TUSC3: variants seen among roughly 807,000 people sequenced by gnomAD.
TUSC3 encodes the protein tumor suppressor candidate 3, also known as dolichyl-diphosphooligosaccharide--protein glycosyltransferase subunit TUSC3.
A neutral mutation model predicts 44.8 loss-of-function variants in TUSC3; 45 were observed. The observed-to-expected ratio is 1.00, with a 90% confidence interval of 0.79 to 1.29. TUSC3 has a LOEUF of 1.29. TUSC3 is among the 50% of genes most tolerant of loss of function. TUSC3 has a pLI of 0.00. For missense variants in TUSC3, 519 were observed against 437.9 expected (o/e 1.19, Z -1.65); for synonymous variants, 212 against 152.9 (o/e 1.39, Z -2.85).
upstream of TUSC3, among the ~76,000 whole-genome samples, chr8:15,536,860 C>G (rs1458697661): frequency 6.6e-6 from 1 of 151,918 alleles, no homozygotes; most frequent in Non-Finnish European, 1.5e-5. Flanking sequence ...TCATGCCCTA[C>G]AAACCATAAA....
chr8:15,819,960 A>G, the TUSC3 span, among the ~76,000 whole-genome samples: 2 of 152,188 alleles, frequency 1.3e-5, no homozygotes, highest in African/African-American at 4.8e-5. Flanking sequence ...TCCCCAGATT[A>G]AAGGCAGTTA....
At chr8:15,484,564 C>T (rs1399857307) in intron 2 of TUSC3, among the ~76,000 whole-genome samples, 3 of 152,242 alleles carry the variant, frequency 2.0e-5, no homozygotes, top group Admixed American at 2.0e-4. Flanking sequence ...ATCTCTTTCT[C>T]ATTCCGGTGT....
chr8:15,530,566 A>G lies in TUSC3; in HGVS notation n.189+47083A>G, dbSNP rs75961494. 1.3e-3 allele frequency among the ~76,000 whole-genome samples: 199 copies of G among 152,340 alleles called. 3 individuals carry two copies. The East Asian group carries it at 0.037, about 28-fold the overall frequency. ...TCACACAGCTAGTAAGAGACAGAGC[A>G]AGGAATGCAGCTCCAGGGCTCATGC... On this transcript the variant is annotated intron_variant and non_coding_transcript_variant, in intron 2 of 5. Coordinates refer to the TUSC3 transcript ENST00000503191.
At chr8:15,478,341 G>A (rs1041462176) in intron 1 of TUSC3, among the ~76,000 whole-genome samples, 1 of 152,046 alleles carries the variant, frequency 6.6e-6, no homozygotes, top group African/African-American at 2.4e-5. Flanking sequence ...AAGTATACGT[G>A]TGCCATGGTA....
At chr8:15,755,157 G>A (rs1310470079) in intron 9 of TUSC3, among the ~76,000 whole-genome samples, 1 of 152,026 alleles carries the variant, frequency 6.6e-6, no homozygotes, top group Non-Finnish European at 1.5e-5. Flanking sequence ...TTCCCTGATT[G>A]GAATACCCAG....
the TUSC3 span, among the ~76,000 whole-genome samples, chr8:15,829,216 G>T: frequency 2.6e-4 from 39 of 152,010 alleles, no homozygotes; most frequent in African/African-American, 9.4e-4. Flanking sequence ...CTAATCATTT[G>T]CTATTAGAAA....
chr8:15,568,254 T>C (rs2129142356), intron 1 of TUSC3, among the ~76,000 whole-genome samples: 1 of 152,278 alleles, frequency 6.6e-6, no homozygotes, highest in African/African-American at 2.4e-5. Context: ...AGAAGAGGCA[T>C]TCATTTATTC....
At chr8:15,670,035 C>G (rs1244399917) in intron 5 of TUSC3, among the ~76,000 whole-genome samples, 6 of 151,772 alleles carry the variant, frequency 4.0e-5, no homozygotes, top group Non-Finnish European at 2.9e-5. Context: ...GTCATAGCAT[C>G]ACAAAAAGTT....
At chr8:15,832,790 T>C in the TUSC3 span, among the ~76,000 whole-genome samples, 1 of 152,120 alleles carries the variant, frequency 6.6e-6, no homozygotes, top group Non-Finnish European at 1.5e-5. Flanking sequence ...AAGCAAGTTC[T>C]TAGAGACCTT....
At chr8:15,664,485 C>G (rs1422494816) in intron 5 of TUSC3, among the ~76,000 whole-genome samples, 2 of 136,408 alleles carry the variant, frequency 1.5e-5, no homozygotes, top group African/African-American at 5.1e-5. Flanking sequence ...TATTATTTTG[C>G]TCTTTTACTG....
chr8:15,786,571 G>A, the TUSC3 span, among the ~76,000 whole-genome samples: 1 of 152,086 alleles, frequency 6.6e-6, no homozygotes, highest in Non-Finnish European at 1.5e-5. Flanking sequence ...ATTGCCTGGT[G>A]CATTTCTAGT....
the TUSC3 span, among the ~76,000 whole-genome samples, chr8:15,786,238 T>C: frequency 9.8e-5 from 15 of 152,296 alleles, no homozygotes; most frequent in Non-Finnish European, 2.1e-4. Flanking sequence ...CTGATAAAAG[T>C]TGAAAACAAA....
chr8:15,455,446 C>CGT (rs1800242750), intron 1 of TUSC3, among the ~76,000 whole-genome samples: 5 of 43,738 alleles, frequency 1.1e-4, no homozygotes, highest in Non-Finnish European at 2.2e-4. Context: ...TATGTATACA[C>CGT]ACCTATGTAT....
the TUSC3 span, among the ~76,000 whole-genome samples, chr8:15,835,863 T>G: frequency 7.6e-6 from 1 of 132,412 alleles, no homozygotes; most frequent in South Asian, 2.4e-4. Flanking sequence ...GAAAGAATTA[T>G]AATTTTCTGA....
At chr8:15,768,993 G>T (rs2721232), downstream of TUSC3, among the ~76,000 whole-genome samples, 1 of 151,918 alleles carries the variant, frequency 6.6e-6, no homozygotes, top group Non-Finnish European at 1.5e-5. Flanking sequence ...GAAAATGGCC[G>T]TACCGCCAAA....
intron 2 of TUSC3, among the ~76,000 whole-genome samples, chr8:15,515,138 A>G (rs2129128616): frequency 2.0e-5 from 3 of 152,294 alleles, no homozygotes; most frequent in Admixed American, 2.0e-4. Context: ...AAATCAGAAA[A>G]TGGGAGTCTT....
rs1041716122 is a variant in TUSC3 at position 15,766,359 on chromosome 8, G to A, written c.*2203G>A. 2 of 152,026 alleles carry A rather than the reference G, an allele frequency of 1.3e-5. No individual in the cohort carries two copies. The highest frequency in any genetic ancestry group is 2.4e-5 in the African/African-American group (1 of 41,416). 9.4% of individuals were successfully genotyped at this position (152,026 alleles called of 1,614,324 possible). A position where few individuals can be genotyped will look rare whatever the true frequency, so the allele number is the denominator to read the frequency against. On this transcript the variant is annotated 3_prime_UTR_variant, in exon 11 of 11. Transcript: ENST00000503731. ...GTAACGTGCAAAATCACATACATGC[G>A]ATGTATTTACCTTTGCTAGACAATG...
intron 2 of TUSC3, among the ~76,000 whole-genome samples, chr8:15,649,533 G>A (rs891348515): frequency 5.3e-5 from 8 of 151,138 alleles, no homozygotes; most frequent in Admixed American, 2.6e-4. Context: ...GCAGTGAGCC[G>A]AGATCGCGCC....
chr8:15,436,131 T>G (rs28567010), intron 1 of TUSC3, among the ~76,000 whole-genome samples: 24,804 of 152,184 alleles, frequency 0.16, 2,098 homozygotes, highest in Middle Eastern at 0.22. Flanking sequence ...TCATAGGGTT[T>G]CCTGACTATC....
Sources: allele counts gnomAD v4.1 joint callset (sites outside exome capture counted in the v4.1 genomes callset), GRCh38; gene constraint gnomAD v4.1.1; transcripts MANE v1.5; gene names NCBI Gene and HGNC (gene_info 2026-07-23, HGNC 2026-07-21).